NRG3: variants seen among roughly 807,000 people sequenced by gnomAD.
NRG3 encodes neuregulin 3.
Under a neutral mutation model 66.9 loss-of-function variants are expected in NRG3, and 31 were observed. That is an observed-to-expected ratio of 0.46 (90% confidence interval 0.35 to 0.63). The LOEUF (loss-of-function observed/expected upper bound fraction) is 0.63, where lower values mean the gene tolerates loss of function less well. Ranked by LOEUF, NRG3 falls within the 20% of genes least tolerant of loss-of-function variation. NRG3 has a pLI of 0.00. For synonymous variants in NRG3, 393 were observed against 359.4 expected, an observed-to-expected ratio of 1.09 and a Z score of -1.06; for missense variants, 910 against 878.9, an observed-to-expected ratio of 1.04 and a Z score of -0.45.
intron 1 of NRG3, among the ~76,000 whole-genome samples, chr10:82,227,116 G>T (rs1224206783): frequency 2.6e-5 from 4 of 152,112 alleles, no homozygotes; most frequent in Non-Finnish European, 4.4e-5. Flanking sequence ...GACATGAGAA[G>T]GTCATCTTTC....
intron 1 of NRG3, among the ~76,000 whole-genome samples, chr10:81,892,146 C>T (rs1032300345): frequency 1.3e-5 from 2 of 152,042 alleles, no homozygotes; most frequent in Non-Finnish European, 2.9e-5. Flanking sequence ...AAAAGAATTC[C>T]ATCCCCTTCT....
intron 1 of NRG3, among the ~76,000 whole-genome samples, chr10:82,161,615 G>A (rs905751326): frequency 6.6e-6 from 1 of 152,098 alleles, no homozygotes; most frequent in Admixed American, 6.6e-5. Flanking sequence ...TCACTGGATA[G>A]TAAATGGAGT....
rs564424782 is a variant in NRG3, at chr10:82,784,964, G to A, written c.1027+46314G>A. ...AGACTTGGAACCAACCCAAATGTCC[G>A]ACAATGGTAGACTGGATTAAGAAAA... On this transcript the variant is annotated intron_variant, in intron 3 of 8. Transcript: ENST00000372141. Among the ~76,000 whole-genome samples, 64 of 152,146 alleles carry A rather than the reference G, an allele frequency of 4.2e-4. No homozygotes were observed. The South Asian group carries it at 7.1e-3, about 17-fold the overall frequency.
intron 4 of NRG3, among the ~76,000 whole-genome samples, chr10:82,870,024 C>T (rs573789417): frequency 9.5e-5 from 14 of 147,798 alleles, no homozygotes; most frequent in African/African-American, 3.3e-4. Flanking sequence ...GTTTTCATTG[C>T]TTAATAGCTA....
chr10:82,127,979 G>T (rs2068561083), intron 1 of NRG3, among the ~76,000 whole-genome samples: 1 of 151,930 alleles, frequency 6.6e-6, no homozygotes, highest in African/African-American at 2.4e-5. Flanking sequence ...AAGCCTCAAA[G>T]ATCACTTAAG....
chr10:82,492,127 C>G (rs990936751), intron 2 of NRG3, among the ~76,000 whole-genome samples: 2 of 152,090 alleles, frequency 1.3e-5, no homozygotes, highest in South Asian at 2.1e-4. Context: ...TGGCGTTTAC[C>G]CATATCAAAC....
intron 1 of NRG3, among the ~76,000 whole-genome samples, chr10:82,239,976 G>C (rs1022806335): frequency 6.6e-6 from 1 of 152,072 alleles, no homozygotes; most frequent in Non-Finnish European, 1.5e-5. Context: ...CCATAATAGA[G>C]TGTACTGGTA....
intron 2 of NRG3, among the ~76,000 whole-genome samples, chr10:82,587,722 A>G (rs1181165901): frequency 4.6e-5 from 7 of 152,204 alleles, no homozygotes; most frequent in African/African-American, 9.7e-5. Flanking sequence ...CAGAGAGCAC[A>G]GGGGTTCTCT....
intron 1 of NRG3, among the ~76,000 whole-genome samples, chr10:81,998,488 T>C (rs943484683): frequency 6.6e-6 from 1 of 152,146 alleles, no homozygotes; most frequent in Non-Finnish European, 1.5e-5. Flanking sequence ...CCAGTGGACA[T>C]CTCATGGGTC....
chr10:82,438,767 G>A (rs1336810487), intron 2 of NRG3, among the ~76,000 whole-genome samples: 3 of 152,104 alleles, frequency 2.0e-5, no homozygotes, highest in Non-Finnish European at 4.4e-5. Context: ...CCCTTGGCTG[G>A]GGGGAGGGGG....
chr10:82,434,427 G>A lies in NRG3; in HGVS notation c.953+75559G>A, dbSNP rs147127505. On this transcript the variant is annotated intron_variant, in intron 2 of 8. Coordinates refer to ENST00000372141, the MANE Select transcript of NRG3 (RefSeq NM_001010848.4). ...AACTTGACTTCCTCTGTTCCTATTC[G>A]AATACTCTTTATTTCTTTCTCTTGC... Among the ~76,000 whole-genome samples the A allele has an allele frequency of 1.1e-3, 171 of 152,084 alleles. 2 individuals carry two copies. The highest frequency in any genetic ancestry group is 3.8e-3 in the African/African-American group (156 of 41,488).
In NRG3 at chr10:82,550,251, CT is replaced by C. The variant is rs199705630; in HGVS notation, c.954-188322del. On this transcript the variant is annotated intron_variant, in intron 2 of 8. Transcript: ENST00000372141. ...ATATTTAACATTTAAAAAATTTTTC[CT>C]TTTGTAATTTACCCCATTGTCTACC... is the stretch of plus-strand genomic sequence containing the variant. Among the ~76,000 whole-genome samples, 38 of 152,036 alleles carry C rather than the reference CT, an allele frequency of 2.5e-4. No homozygotes were observed. The East Asian group carries it at 7.0e-3, about 28-fold the overall frequency.
intron 2 of NRG3, among the ~76,000 whole-genome samples, chr10:82,361,801 TTAATAG>T: frequency 6.6e-6 from 1 of 152,104 alleles, no homozygotes; most frequent in South Asian, 2.1e-4. Context: ...AAGATGCCAT[TTAATAG>T]ATCTGAGCAG....
chr10:82,547,018 T>G (rs181913084), intron 2 of NRG3, among the ~76,000 whole-genome samples: 348 of 152,208 alleles, frequency 2.3e-3, no homozygotes, highest in African/African-American at 7.9e-3. Flanking sequence ...CCGCAAAATA[T>G]TTTCTAAAAA....
intron 4 of NRG3, among the ~76,000 whole-genome samples, chr10:82,896,881 T>C (rs74646089): frequency 0.023 from 3,547 of 152,272 alleles, 145 homozygotes; most frequent in African/African-American, 0.08. Flanking sequence ...CTTAGAGTCT[T>C]TATTGTTTTC....
In NRG3 at chr10:82,740,121, T is replaced by C. The variant is rs547518298; in HGVS notation, c.1027+1471T>C. 2.0e-4 allele frequency among the ~76,000 whole-genome samples: 30 copies of C among 152,026 alleles called. No homozygotes were observed. The South Asian group carries it at 6.3e-3, about 32-fold the overall frequency. On this transcript the variant is annotated intron_variant, in intron 3 of 8. Transcript: ENST00000372141. The stretch of plus-strand genomic sequence containing the variant: ...ATTTCCCTTCATTATTTTGTCTCCT[T>C]TAATATAATACTTCTTCCCTTCCTC...
intron 2 of NRG3, among the ~76,000 whole-genome samples, chr10:82,630,003 C>A (rs2049704379): frequency 6.6e-6 from 1 of 152,092 alleles, no homozygotes; most frequent in African/African-American, 2.4e-5. Context: ...CAAAGGGAAT[C>A]CAGGGACCCA....
chr10:82,630,545 G>T (rs1048775072), intron 2 of NRG3, among the ~76,000 whole-genome samples: 4 of 151,912 alleles, frequency 2.6e-5, no homozygotes, highest in African/African-American at 7.3e-5. Context: ...GGACGTGGTG[G>T]TGGGCATCTG....
At chr10:82,865,366 TTC>T in intron 3 of NRG3, 43 bp from the exon 4 acceptor site, 1 of 1,608,094 alleles carries the variant, frequency 6.2e-7, no homozygotes, top group Non-Finnish European at 8.5e-7. Context: ...TCTAACCTTT[TTC>T]TCTTTTTCTC....
Sources: gnomAD v4.1 joint callset for allele counts (sites outside exome capture counted in the v4.1 genomes callset) on GRCh38, gnomAD v4.1.1 for gene constraint, MANE v1.5 for transcripts, NCBI Gene and HGNC (gene_info 2026-07-23, HGNC 2026-07-21) for gene names.